APOLD1: variants seen among roughly 807,000 people sequenced by gnomAD.
The protein encoded by APOLD1 is apolipoprotein L domain containing 1, also known as apolipoprotein L domain-containing protein 1.
In APOLD1, 22 loss-of-function variants were observed where a neutral mutation model predicts 15.3. The observed-to-expected ratio is 1.44, with a 90% confidence interval of 1.03 to 2.05. The LOEUF is 2.05. Ranked by LOEUF, APOLD1 falls within the 30% of genes most tolerant of loss-of-function variation. The probability of loss-of-function intolerance (pLI) is 0.00; values close to 1 mark genes in which losing one functional copy is unlikely to be tolerated. For synonymous variants in APOLD1, 190 were observed against 167.4 expected (o/e 1.13, Z -1.04); for missense variants, 394 against 353.5 (o/e 1.11, Z -0.92).
At chr12:12,746,831 CTTATTT>C (rs779507269) in intron 1 of APOLD1, among the ~76,000 whole-genome samples, 17 of 151,950 alleles carry the variant, frequency 1.1e-4, no homozygotes, top group Non-Finnish European at 2.2e-4. Flanking sequence ...AGTGTCTATT[CTTATTT>C]TTATGTCTGT....
intron 1 of APOLD1, among the ~76,000 whole-genome samples, chr12:12,777,768 T>G (rs1350093522): frequency 6.6e-6 from 1 of 151,982 alleles, no homozygotes; most frequent in Non-Finnish European, 1.5e-5. Context: ...ATTCAACGTC[T>G]CAACCTGTGT....
In APOLD1 at chr12:12,763,009, G is replaced by T. The variant is rs553351262; in HGVS notation, c.97-23900G>T. Reference sequence around the variant, plus strand: ...AGAAAAATTTTAAAAGCCGGGTGTAGTAGTCCCAGCTACTCCAGAGGCTGA... The same window carrying T: ...AGAAAAATTTTAAAAGCCGGGTGTATTAGTCCCAGCTACTCCAGAGGCTGA... On this transcript the variant is annotated intron_variant, in intron 1 of 1. Transcript: ENST00000326765. Among the ~76,000 whole-genome samples, 3 of 152,160 alleles carry T rather than the reference G, an allele frequency of 2.0e-5. No individual in the cohort carries two copies. In the South Asian group the frequency reaches 6.2e-4, roughly 32 times the overall value.
At chr12:12,777,599 A>G (rs1357166129) in intron 1 of APOLD1, among the ~76,000 whole-genome samples, 1 of 152,206 alleles carries the variant, frequency 6.6e-6, no homozygotes, top group Middle Eastern at 3.2e-3. Context: ...ATGTTTACCA[A>G]TTGAGCATCC....
chr12:12,731,397 A>G (rs931757348), intron 1 of APOLD1, among the ~76,000 whole-genome samples: 1 of 152,254 alleles, frequency 6.6e-6, no homozygotes, highest in Non-Finnish European at 1.5e-5. Flanking sequence ...TTTTTAAGGC[A>G]CTTGTTGAAT....
intron 1 of APOLD1, among the ~76,000 whole-genome samples, chr12:12,753,857 A>G (rs10845626): frequency 0.31 from 47,083 of 151,950 alleles, 7,362 homozygotes; most frequent in South Asian, 0.44. Flanking sequence ...TTCCAGAGGA[A>G]AAAACCAGAA....
intron 1 of APOLD1, among the ~76,000 whole-genome samples, chr12:12,745,649 A>T (rs1380493109): frequency 6.6e-6 from 1 of 152,142 alleles, no homozygotes; most frequent in Non-Finnish European, 1.5e-5. Context: ...GTAGTGTAAC[A>T]TTCTCTTTGC....
chr12:12,754,706 C>T (rs1440259029), intron 1 of APOLD1, among the ~76,000 whole-genome samples: 2 of 151,746 alleles, frequency 1.3e-5, no homozygotes, highest in African/African-American at 4.8e-5. Flanking sequence ...GCTGGGATTA[C>T]AGGCGTGAGT....
chr12:12,769,124 A>G (rs993792612), intron 1 of APOLD1, among the ~76,000 whole-genome samples: 1 of 149,016 alleles, frequency 6.7e-6, no homozygotes, highest in Non-Finnish European at 1.5e-5. Context: ...GTTACTTGGG[A>G]GGCTGAGGTG....
In APOLD1 at chr12:12,728,690, A is replaced by AAAAG. The variant is rs779176543; in HGVS notation, c.96+2595_96+2596insAAGA. 2.2e-3 allele frequency among the ~76,000 whole-genome samples: 313 copies of AAAAG among 139,314 alleles called. 6 individuals carry two copies. The highest frequency in any genetic ancestry group is 7.9e-3 in the South Asian group (35 of 4,456). 91.4% of individuals were successfully genotyped at this position (139,314 alleles called of 152,430 possible). A position where few individuals can be genotyped will look rare whatever the true frequency, so the allele number is the denominator to read the frequency against. ...CAAAAAAAAAAAAAAAAAAAAAAAAAAGAGAGAGAAAGAAAAGAAAGAAAG... is the reference window on the plus strand; with the variant it reads ...CAAAAAAAAAAAAAAAAAAAAAAAAAAAAGAGAGAGAGAAAGAAAAGAAAGAAAG... On this transcript the variant is annotated intron_variant, in intron 1 of 1. Transcript: ENST00000326765.
At chr12:12,753,289 A>G (rs1946827949) in intron 1 of APOLD1, among the ~76,000 whole-genome samples, 1 of 152,384 alleles carries the variant, frequency 6.6e-6, no homozygotes, top group South Asian at 2.1e-4. Flanking sequence ...GACTTGTATC[A>G]TTAAAGAAAT....
At chr12:12,752,282 A>G (rs556244411) in intron 1 of APOLD1, among the ~76,000 whole-genome samples, 1 of 152,294 alleles carries the variant, frequency 6.6e-6, no homozygotes, top group African/African-American at 2.4e-5. Context: ...GGAGCCAGTC[A>G]AGCCCAAGAA....
Position 12,787,624 on chromosome 12 carries a change from C to G in APOLD1, c.719C>G (p.Ala240Gly). 3 of 1,605,806 alleles carry G rather than the reference C, an allele frequency of 1.9e-6. No individual in the cohort carries two copies. The highest frequency in any genetic ancestry group is 1.3e-5 in the African/African-American group (1 of 75,032). ...CGTGGCCACGACCTCAAGATCTCTG[C>G]TGACCAGCGTGCAGGGCTGTTTTTC... ...SSRGHDLKISADQRAGLFF is the reference protein window; with the variant it reads ...SSRGHDLKISGDQRAGLFF The change falls in exon 2 of 2, where the codon GCT (alanine) becomes GGT (glycine). Residue 240 changes from alanine (A) to glycine (G), a missense_variant. Ala to Gly is a moderately conservative substitution (Grantham distance 60). Coordinates refer to ENST00000356591, the MANE Select transcript of APOLD1 (RefSeq NM_030817.3). This position sits in a 1 kb window ranked among gnomAD's most constrained non-coding sequence, Gnocchi z 4.9.
rs756886899 is a variant in APOLD1 at position 12,758,344 on chromosome 12, A to C, written c.97-28565A>C. On this transcript the variant is annotated intron_variant, in intron 1 of 1. Coordinates refer to the APOLD1 transcript ENST00000326765. ...GGTGGATCACGAGGTCAGGAGTTCG[A>C]GACCAGCCTGGTCAACATGGTGAAA... is the stretch of plus-strand genomic sequence containing the variant. Among the ~76,000 whole-genome samples, 5 of 151,978 alleles carry C rather than the reference A, an allele frequency of 3.3e-5. No individual in the cohort carries two copies. In the South Asian group the frequency reaches 8.3e-4, roughly 25 times the overall value.
rs368730216 is a variant in APOLD1 at position 12,740,932 on chromosome 12, A to T, written c.96+14836A>T. 2.2e-4 allele frequency among the ~76,000 whole-genome samples: 33 copies of T among 152,286 alleles called. No homozygotes were observed. The East Asian group carries it at 2.5e-3, about 12-fold the overall frequency. Reference sequence around the variant, plus strand: ...CAGGAGGCTATTCAGTATTACCTGGAAATCAGAATGCCAATTACTCAATAA... The same window carrying T: ...CAGGAGGCTATTCAGTATTACCTGGTAATCAGAATGCCAATTACTCAATAA... On this transcript the variant is annotated intron_variant, in intron 1 of 1. Coordinates refer to the APOLD1 transcript ENST00000326765.
Position 12,768,089 on chromosome 12 carries a change from A to G in APOLD1, c.97-18820A>G, listed in dbSNP as rs114937817. On this transcript the variant is annotated intron_variant, in intron 1 of 1. Transcript: ENST00000326765. ...TGTAAGCCACCGTGCCCGGCCTACTATGCAATTTTATACAAGGATCTTGAA... is the reference window on the plus strand; with the variant it reads ...TGTAAGCCACCGTGCCCGGCCTACTGTGCAATTTTATACAAGGATCTTGAA... Among the ~76,000 whole-genome samples the G allele has an allele frequency of 4.0e-3, 601 of 152,120 alleles. 1 individual carries two copies. The highest frequency in any genetic ancestry group is 0.014 in the African/African-American group (564 of 41,510).
chr12:12,773,612 A>T (rs1213363516), intron 1 of APOLD1, among the ~76,000 whole-genome samples: 1 of 152,206 alleles, frequency 6.6e-6, no homozygotes, highest in Non-Finnish European at 1.5e-5. Context: ...GGAGAAATCA[A>T]TGAAATTAAA....
At chr12:12,749,024 A>G (rs1276534492) in intron 1 of APOLD1, among the ~76,000 whole-genome samples, 2 of 152,164 alleles carry the variant, frequency 1.3e-5, no homozygotes. Context: ...TTAACCTGTG[A>G]CCAGGAGATT....
rs2136403304 is a variant in APOLD1 at position 12,787,611 on chromosome 12, C to T, written c.706C>T (p.Leu236Phe). 2 of 1,609,346 alleles carry T rather than the reference C, an allele frequency of 1.2e-6. No homozygotes were observed. The highest frequency in any genetic ancestry group is 2.2e-5 in the East Asian group (1 of 44,874). Reference protein sequence around the residue: ...LCTKSSRGHDLKISADQRAGL... With the variant: ...LCTKSSRGHDFKISADQRAGL... ...CACCAAGTCCAGTCGTGGCCACGAC[C>T]TCAAGATCTCTGCTGACCAGCGTGC... The change falls in exon 2 of 2, where the codon CTC becomes TTC. Residue 236 changes from leucine (L) to phenylalanine (F), a missense_variant. Leu to Phe is a conservative substitution (Grantham distance 22, BLOSUM62 0). Coordinates refer to ENST00000356591, the MANE Select transcript of APOLD1 (RefSeq NM_030817.3). The surrounding 1 kb of genome is among the most constrained non-coding windows in gnomAD (Gnocchi z 4.9).
At chr12:12,761,830 T>TAGAGAGAG (rs6144616) in intron 1 of APOLD1, among the ~76,000 whole-genome samples, 7,159 of 114,520 alleles carry the variant, frequency 0.063, 383 homozygotes, top group Middle Eastern at 0.12. Context: ...TGTATATGTA[T>TAGAGAGAG]AGAGAGAGAG....
Sources: allele counts gnomAD v4.1 joint callset (sites outside exome capture counted in the v4.1 genomes callset), GRCh38; gene constraint gnomAD v4.1.1; non-coding constraint Gnocchi (gnomAD v3.1); transcripts MANE v1.5; gene names NCBI Gene and HGNC (gene_info 2026-07-23, HGNC 2026-07-21).